Variants in DPH6 observed in about 807,000 individuals in gnomAD.
DPH6 encodes the protein diphthine--ammonia ligase.
Under a neutral mutation model 38.2 loss-of-function variants are expected in DPH6, and 33 were observed. The ratio of observed to expected loss-of-function variants is 0.86; its 90% confidence interval spans 0.65 to 1.15. The LOEUF is 1.15. Among genes scored for constraint, DPH6 ranks in the 50% most tolerant of loss-of-function variants. The pLI is 0.00. For synonymous variants in DPH6, 108 were observed against 103.0 expected (o/e 1.05, Z -0.30); for missense variants, 325 against 320.0 (o/e 1.02, Z -0.12).
chr15:35,172,970 A>G, the DPH6 span, among the ~76,000 whole-genome samples: 2 of 152,224 alleles, frequency 1.3e-5, no homozygotes, highest in African/African-American at 4.8e-5. Context: ...TGCATTTCAT[A>G]AAGACTTTTA....
intron 3 of DPH6, among the ~76,000 whole-genome samples, chr15:35,507,846 A>G (rs1264475117): frequency 2.0e-5 from 3 of 152,032 alleles, no homozygotes; most frequent in Non-Finnish European, 2.9e-5. Context: ...TAAAAATTAT[A>G]TACATATATA....
chr15:35,209,861 C>G, the DPH6 span, among the ~76,000 whole-genome samples: 2 of 152,268 alleles, frequency 1.3e-5, no homozygotes, highest in East Asian at 3.9e-4. Context: ...TTGATATTGT[C>G]TGAATAAAAC....
chr15:35,335,644 T>C (rs1022826730), intron 3 of DPH6, among the ~76,000 whole-genome samples: 1 of 152,202 alleles, frequency 6.6e-6, no homozygotes, highest in Non-Finnish European at 1.5e-5. Flanking sequence ...ATTTATTAAA[T>C]AGGGAATGCT....
At chr15:35,502,450 T>C (rs1477673752) in intron 3 of DPH6, among the ~76,000 whole-genome samples, 2 of 151,804 alleles carry the variant, frequency 1.3e-5, no homozygotes, top group Non-Finnish European at 2.9e-5. Flanking sequence ...CCATTCAGAG[T>C]TCTGTTTGTT....
intron 5 of DPH6, among the ~76,000 whole-genome samples, chr15:35,446,879 T>C (rs910439926): frequency 8.6e-5 from 13 of 151,658 alleles, no homozygotes; most frequent in Non-Finnish European, 1.9e-4. Flanking sequence ...TCTTTTTTTT[T>C]TTTTCCTGAG....
chr15:35,388,778 T>C (rs1355984851), intron 6 of DPH6, among the ~76,000 whole-genome samples: 2 of 152,192 alleles, frequency 1.3e-5, no homozygotes, highest in Admixed American at 6.5e-5. Context: ...TTTGTTGATC[T>C]TTTCAAAAAA....
intron 3 of DPH6, among the ~76,000 whole-genome samples, chr15:35,256,788 G>T (rs1595449066): frequency 1.3e-5 from 2 of 152,186 alleles, no homozygotes; most frequent in East Asian, 3.8e-4. Context: ...CTGACCTAAA[G>T]GGAAAGAGAG....
chr15:35,241,696 T>G (rs1356421290), intron 3 of DPH6, among the ~76,000 whole-genome samples: 4 of 141,848 alleles, frequency 2.8e-5, no homozygotes, highest in African/African-American at 1.0e-4. Flanking sequence ...TCCCTCCTTG[T>G]CGACCGATCA....
intron 5 of DPH6, among the ~76,000 whole-genome samples, chr15:35,421,377 C>T (rs1454491466): frequency 3.3e-5 from 5 of 152,104 alleles, no homozygotes; most frequent in Admixed American, 2.6e-4. Context: ...TTTATAGATT[C>T]ACTTTTAAGA....
chr15:35,225,558 CT>C (rs1361163507), intron 3 of DPH6, among the ~76,000 whole-genome samples: 1 of 152,146 alleles, frequency 6.6e-6, no homozygotes, highest in African/African-American at 2.4e-5. Context: ...TGTCTCTAGC[CT>C]TTTATTTTTT....
At chr15:35,500,214 G>C (rs1031607769) in intron 3 of DPH6, among the ~76,000 whole-genome samples, 2 of 152,074 alleles carry the variant, frequency 1.3e-5, no homozygotes, top group African/African-American at 4.8e-5. Flanking sequence ...TCTCACTTCA[G>C]GGAAATAGTG....
chr15:35,439,965 A>G (rs139677166), intron 5 of DPH6, among the ~76,000 whole-genome samples: 31 of 152,354 alleles, frequency 2.0e-4, no homozygotes, highest in African/African-American at 7.2e-4. Flanking sequence ...TTTTTAACAA[A>G]AATGAGGACT....
At chr15:35,469,330 T>G (rs2141122465) in intron 3 of DPH6, among the ~76,000 whole-genome samples, 1 of 152,326 alleles carries the variant, frequency 6.6e-6, no homozygotes, top group East Asian at 1.9e-4. Context: ...TTAAGTATAT[T>G]GACATTGTTG....
intron 3 of DPH6, among the ~76,000 whole-genome samples, chr15:35,239,385 G>C (rs911572338): frequency 7.0e-6 from 1 of 143,844 alleles, no homozygotes; most frequent in Non-Finnish European, 1.5e-5. Context: ...CTCCGGCGCC[G>C]GTCACGGACT....
intron 3 of DPH6, among the ~76,000 whole-genome samples, chr15:35,234,200 T>C (rs1037201321): frequency 6.6e-6 from 1 of 152,232 alleles, no homozygotes; most frequent in Non-Finnish European, 1.5e-5. Context: ...TTGCCCCAGA[T>C]TGAGCCTGTA....
intron 3 of DPH6, among the ~76,000 whole-genome samples, chr15:35,465,315 A>G (rs549965893): frequency 6.6e-6 from 1 of 152,312 alleles, no homozygotes; most frequent in South Asian, 2.1e-4. Flanking sequence ...TTTAATACGA[A>G]CCATTCATTA....
chr15:35,512,694 A>C (rs1039497658), intron 3 of DPH6, among the ~76,000 whole-genome samples: 2 of 152,154 alleles, frequency 1.3e-5, no homozygotes, highest in African/African-American at 4.8e-5. Flanking sequence ...CAGGAATTAT[A>C]AAAACAATTC....
At chr15:35,196,101 A>C in the DPH6 span, among the ~76,000 whole-genome samples, 1 of 152,238 alleles carries the variant, frequency 6.6e-6, no homozygotes, top group African/African-American at 2.4e-5. Flanking sequence ...AGTCATGTTT[A>C]TAATGGGATC....
chr15:35,473,945 TGTGTGTGTGTGTGCGCGC>T (rs2054230337), intron 3 of DPH6, among the ~76,000 whole-genome samples: 1 of 103,462 alleles, frequency 9.7e-6, no homozygotes, highest in African/African-American at 3.8e-5. Context: ...TGTGTGTGTG[TGTGTGTGTGTGTGCGCGC>T]GCGCGCGTGA....
Sources: allele counts gnomAD v4.1 joint callset (sites outside exome capture counted in the v4.1 genomes callset), GRCh38; gene constraint gnomAD v4.1.1; transcripts MANE v1.5; gene names NCBI Gene and HGNC (gene_info 2026-07-23, HGNC 2026-07-21).